GRIK2: variants seen among roughly 807,000 people sequenced by gnomAD.
GRIK2 encodes the protein glutamate ionotropic receptor kainate type subunit 2.
In GRIK2, 32 loss-of-function variants were observed where a neutral mutation model predicts 100.3. The ratio of observed to expected loss-of-function variants is 0.32; its 90% CI spans 0.24 to 0.43. The LOEUF is 0.43. GRIK2 is among the 20% of genes least tolerant of loss of function. The probability of loss-of-function intolerance (pLI) is 1.00; values close to 1 mark genes in which losing one functional copy is unlikely to be tolerated. For missense variants in GRIK2, 843 were observed against 1,114.9 expected (o/e 0.76, Z 3.47); for synonymous variants, 417 against 389.4 (o/e 1.07, Z -0.83).
chr6:101,744,158 G>A lies in GRIK2; in HGVS notation c.952-55490G>A, dbSNP rs1776227820. Among the ~76,000 whole-genome samples, 6 of 152,104 alleles carry A rather than the reference G, an allele frequency of 3.9e-5. No individual in the cohort carries two copies. In the South Asian group the frequency reaches 1.2e-3, roughly 32 times the overall value. On this transcript the variant is annotated intron_variant, in intron 7 of 16. Coordinates refer to ENST00000369134, the MANE Select transcript of GRIK2 (RefSeq NM_021956.5). ...GGGGTTTCAACATGTTGGCCAGGAT[G>A]TTCTCGATCTCCTGACCTCATGATC... is the stretch of plus-strand genomic sequence containing the variant.
intron 14 of GRIK2, among the ~76,000 whole-genome samples, chr6:101,977,231 CTATGTTATGTTATGT>C (rs58581420): frequency 2.8e-3 from 405 of 146,546 alleles, no homozygotes; most frequent in East Asian, 0.014. Context: ...TTATTAGTGG[CTATGTTATGTTATGT>C]TATGTTATGT....
At chr6:101,996,457 C>T (rs963350494) in intron 14 of GRIK2, among the ~76,000 whole-genome samples, 29 of 151,878 alleles carry the variant, frequency 1.9e-4, no homozygotes, top group Admixed American at 3.3e-4. Flanking sequence ...TTACAGATAA[C>T]CAAAAAAATG....
intron 2 of GRIK2, among the ~76,000 whole-genome samples, chr6:101,526,422 G>GA (rs1170900562): frequency 1.3e-5 from 2 of 152,152 alleles, no homozygotes; most frequent in East Asian, 1.9e-4. Flanking sequence ...TGTTAAACTA[G>GA]AAAAAATAAA....
At chr6:101,476,473 G>A (rs942959503) in intron 2 of GRIK2, among the ~76,000 whole-genome samples, 2 of 152,054 alleles carry the variant, frequency 1.3e-5, no homozygotes, top group African/African-American at 4.8e-5. Context: ...GATAGAGAGT[G>A]TATTGGAGTA....
intron 2 of GRIK2, among the ~76,000 whole-genome samples, chr6:101,451,993 A>G (rs1770722909): frequency 6.6e-6 from 1 of 151,804 alleles, no homozygotes; most frequent in East Asian, 1.9e-4. Flanking sequence ...CTTTCTTTTC[A>G]TTATGGCTTT....
chr6:101,484,767 A>C (rs931402025), intron 2 of GRIK2, among the ~76,000 whole-genome samples: 1 of 152,094 alleles, frequency 6.6e-6, no homozygotes, highest in East Asian at 1.9e-4. Context: ...TAGAAAGCCT[A>C]CTAGATTTTT....
At chr6:101,579,886 C>T (rs1462748104) in intron 2 of GRIK2, among the ~76,000 whole-genome samples, 2 of 151,510 alleles carry the variant, frequency 1.3e-5, no homozygotes, top group Non-Finnish European at 2.9e-5. Context: ...ATTTGATACC[C>T]TTTCTTCTGG....
chr6:101,890,976 C>CAT (rs61125711), intron 12 of GRIK2, among the ~76,000 whole-genome samples: 5,726 of 146,514 alleles, frequency 0.039, 143 homozygotes, highest in Admixed American at 0.082. Context: ...ATAAAGTGTA[C>CAT]ATATATATAT....
intron 15 of GRIK2, among the ~76,000 whole-genome samples, chr6:102,040,847 C>T (rs1562131647): frequency 1.3e-5 from 2 of 151,608 alleles, no homozygotes. Flanking sequence ...ATTAGTTTAA[C>T]ATAATGCACA....
intron 11 of GRIK2, among the ~76,000 whole-genome samples, chr6:101,887,050 G>A (rs548592593): frequency 1.3e-5 from 2 of 151,412 alleles, no homozygotes; most frequent in South Asian, 2.1e-4. Context: ...GGATGGTCTC[G>A]ATCTCCTGAC....
At chr6:101,787,091 T>G (rs9386293) in intron 7 of GRIK2, among the ~76,000 whole-genome samples, 34 of 151,722 alleles carry the variant, frequency 2.2e-4, no homozygotes, top group African/African-American at 7.5e-4. Flanking sequence ...TATAAATTTT[T>G]GAGTTTGTTA....
chr6:101,893,060 T>C (rs978332833), intron 12 of GRIK2, among the ~76,000 whole-genome samples: 28 of 151,398 alleles, frequency 1.8e-4, no homozygotes, highest in African/African-American at 5.8e-4. Flanking sequence ...CTGTATAATT[T>C]AATTGCCTTT....
chr6:101,403,192 C>A (rs1018171655), intron 2 of GRIK2, among the ~76,000 whole-genome samples: 3 of 152,188 alleles, frequency 2.0e-5, no homozygotes, highest in Non-Finnish European at 4.4e-5. Context: ...CATTCAAAAT[C>A]TTTATCTGAA....
chr6:101,540,776 C>A (rs2518216), intron 2 of GRIK2, among the ~76,000 whole-genome samples: 66,426 of 151,638 alleles, frequency 0.44, 14,702 homozygotes, highest in Middle Eastern at 0.49. Flanking sequence ...CCTTGATTTA[C>A]AGATATAATG....
chr6:101,741,388 G>A (rs1342573655), intron 7 of GRIK2, among the ~76,000 whole-genome samples: 1 of 152,134 alleles, frequency 6.6e-6, no homozygotes, highest in East Asian at 1.9e-4. Context: ...TATGATCTTA[G>A]GTTCAAATGG....
chr6:101,658,098 C>A (rs1769331235), intron 4 of GRIK2, among the ~76,000 whole-genome samples: 2 of 151,954 alleles, frequency 1.3e-5, no homozygotes, highest in African/African-American at 4.8e-5. Context: ...GATACATGTG[C>A]AGAATATGTA....
intron 7 of GRIK2, among the ~76,000 whole-genome samples, chr6:101,699,153 G>A (rs1772701227): frequency 6.6e-6 from 1 of 152,152 alleles, no homozygotes; most frequent in African/African-American, 2.4e-5. Context: ...TGCTACCACA[G>A]TGCTAGAGTT....
chr6:101,585,268 AATAG>A (rs1160506881), intron 2 of GRIK2, among the ~76,000 whole-genome samples: 1 of 152,060 alleles, frequency 6.6e-6, no homozygotes, highest in Non-Finnish European at 1.5e-5. Flanking sequence ...AGTTTTTTAA[AATAG>A]ATATTAAAAT....
intron 2 of GRIK2, among the ~76,000 whole-genome samples, chr6:101,541,377 CACACA>C (rs1391087792): frequency 0.014 from 2,106 of 145,310 alleles, 43 homozygotes; most frequent in African/African-American, 0.027. Flanking sequence ...CGCACACAAC[CACACA>C]CACACACACA....
Sources: gnomAD v4.1 joint callset for allele counts (sites outside exome capture counted in the v4.1 genomes callset) on GRCh38, gnomAD v4.1.1 for gene constraint, MANE v1.5 for transcripts, NCBI Gene and HGNC (gene_info 2026-07-23, HGNC 2026-07-21) for gene names.